Variants in CBX3 observed in about 807,000 individuals in gnomAD.
CBX3 encodes the protein chromobox protein homolog 3.
In CBX3, 5 loss-of-function variants were observed where a neutral mutation model predicts 22.6. That is an observed-to-expected ratio of 0.22 (90% confidence interval 0.12 to 0.47). The LOEUF is 0.47. CBX3 is among the 20% of genes least tolerant of loss of function. The pLI is 0.99. For synonymous variants in CBX3, 50 were observed against 66.6 expected (o/e 0.75, Z 1.21); for missense variants, 83 against 208.1 (o/e 0.40, Z 3.70).
At chr7:26,207,064 A>G (rs1784691552) in intron 3 of CBX3, among the ~76,000 whole-genome samples, 1 of 152,182 alleles carries the variant, frequency 6.6e-6, no homozygotes. Flanking sequence ...CAACAATTAC[A>G]TACTTTAACG....
chr7:26,209,654 G>A lies in CBX3; in HGVS notation c.330+1099G>A, dbSNP rs540255874. Among the ~76,000 whole-genome samples, 155 of 152,106 alleles carry A rather than the reference G, an allele frequency of 1.0e-3. 1 individual carries two copies. The highest frequency in any genetic ancestry group is 1.8e-3 in the African/African-American group (74 of 41,496). On this transcript the variant is annotated intron_variant, in intron 4 of 5. Transcript: ENST00000396386. ...TTCTTGGCATGAATTGAGACATTCA[G>A]TTCATTCACTATACATGTGTTTTGG...
intron 4 of CBX3, chr7:26,210,349 G>A (rs768300243): frequency 6.6e-6 from 1 of 152,198 alleles, no homozygotes; most frequent in Non-Finnish European, 1.5e-5. Context: ...TGAGTCCTTA[G>A]CATGTGCTAT....
At chr7:26,204,303 C>T (rs114889109) in intron 2 of CBX3, among the ~76,000 whole-genome samples, 453 of 151,804 alleles carry the variant, frequency 3.0e-3, no homozygotes, top group African/African-American at 0.011. Context: ...ATTTTGTTAG[C>T]CTTCTCCCTT....
chr7:26,202,818 G>C (rs932280952), intron 1 of CBX3, 153 bp from the exon 2 acceptor site: 9 of 654,292 alleles, frequency 1.4e-5, no homozygotes, highest in Non-Finnish European at 2.5e-5. Flanking sequence ...TACATCATAA[G>C]CAATGTAGGT....
intron 4 of CBX3, among the ~76,000 whole-genome samples, chr7:26,209,113 G>T (rs1414154523): frequency 1.3e-5 from 2 of 149,688 alleles, no homozygotes; most frequent in African/African-American, 4.9e-5. Context: ...CACCATGTTG[G>T]CCAGACTGAT....
intron 2 of CBX3, among the ~76,000 whole-genome samples, chr7:26,205,509 T>G (rs1469755303): frequency 6.6e-6 from 1 of 152,250 alleles, no homozygotes; most frequent in Non-Finnish European, 1.5e-5. Flanking sequence ...TTGAACCTCC[T>G]AGTGGTCTCT....
chr7:26,208,656 T>G (rs1784736468), intron 4 of CBX3, 101 bp downstream of exon 4: 1 of 1,144,452 alleles, frequency 8.7e-7, no homozygotes, highest in South Asian at 1.5e-5. Context: ...GTCTTGCTCT[T>G]GTCGCCCAGG....
intron 5 of CBX3, 37 bp from the exon 6 acceptor site, chr7:26,212,045 T>TA (rs763596820): frequency 6.8e-7 from 1 of 1,477,338 alleles, no homozygotes; most frequent in South Asian, 1.5e-5. Context: ...ATGAACAACT[T>TA]CGACTTGTAA....
chr7:26,205,790 T>G (rs1221691855), intron 2 of CBX3, among the ~76,000 whole-genome samples: 1 of 152,122 alleles, frequency 6.6e-6, no homozygotes, highest in Admixed American at 6.6e-5. Context: ...AAACTTGGTC[T>G]TTTAAGACTA....
At chr7:26,204,823 CTTG>C (rs1784638209) in intron 2 of CBX3, among the ~76,000 whole-genome samples, 1 of 152,038 alleles carries the variant, frequency 6.6e-6, no homozygotes, top group African/African-American at 2.4e-5. Context: ...GAGTTTTTCT[CTTG>C]TTGTCCAGGC....
At chr7:26,204,439 G>A (rs73281554) in intron 2 of CBX3, among the ~76,000 whole-genome samples, 4,618 of 152,252 alleles carry the variant, frequency 0.03, 83 homozygotes, top group Middle Eastern at 0.054. Context: ...GCAGAAAGCT[G>A]TTTGGGCCCA....
chr7:26,213,495 G>A lies in CBX3; in HGVS notation c.*1287G>A, dbSNP rs1784861730. On this transcript the variant is annotated 3_prime_UTR_variant, in exon 6 of 6. Transcript: ENST00000396386. Reference sequence around the variant, plus strand: ...CATATCCTAGATCTTTTGAGCTTACGAGTTTTAAACTTGAATATGTATTTC... The same window carrying A: ...CATATCCTAGATCTTTTGAGCTTACAAGTTTTAAACTTGAATATGTATTTC... 6.6e-6 allele frequency: 1 copy of A among 152,060 alleles called. No individual in the cohort carries two copies. Among genetic ancestry groups the A allele is most frequent in the African/African-American group, 2.4e-5 (1 of 41,394 alleles). The allele number at this position is 152,060 out of a possible 1,614,324, so 9.4% of individuals were successfully genotyped here. A position where few individuals can be genotyped will look rare whatever the true frequency, so the allele number is the denominator to read the frequency against.
chr7:26,203,628 G>A (rs184577418), intron 2 of CBX3, among the ~76,000 whole-genome samples: 10 of 151,956 alleles, frequency 6.6e-5, no homozygotes, highest in Middle Eastern at 3.4e-3. Context: ...ATCTTATTCA[G>A]CCATGTCATG....
Position 26,213,176 on chromosome 7 carries a change from T to G in CBX3, c.*968T>G, listed in dbSNP as rs1784849587. The G allele has an allele frequency of 6.5e-6, 1 of 152,704 alleles. No homozygotes were observed. The highest frequency in any genetic ancestry group is 1.5e-5 in the Non-Finnish European group (1 of 68,054). 9.5% of individuals were successfully genotyped at this position (152,704 alleles called of 1,614,324 possible). A position where few individuals can be genotyped will look rare whatever the true frequency, so the allele number is the denominator to read the frequency against. On this transcript the variant is annotated 3_prime_UTR_variant, in exon 6 of 6. Coordinates refer to ENST00000396386, the MANE Select transcript of CBX3 (RefSeq NM_016587.4). ...GTAACCTAACCTATTGACCTGCATGTTTTTTCTTTACCCCAATTCATTACA... is the reference window on the plus strand; with the variant it reads ...GTAACCTAACCTATTGACCTGCATGGTTTTTCTTTACCCCAATTCATTACA...
intron 2 of CBX3, among the ~76,000 whole-genome samples, chr7:26,204,767 T>C (rs954425647): frequency 1.1e-4 from 17 of 152,244 alleles, no homozygotes; most frequent in Admixed American, 5.9e-4. Context: ...GGTTTATCTT[T>C]TTTAAATAGT....
intron 1 of CBX3, 101 bp from the exon 2 acceptor site, chr7:26,202,870 T>C: frequency 1.3e-6 from 1 of 781,676 alleles, no homozygotes; most frequent in Non-Finnish European, 2.3e-6. Context: ...ACGTTTGAAA[T>C]GTGCGCTCTC....
In CBX3 at chr7:26,208,498, A is replaced by G. The variant is rs1181808379; in HGVS notation, c.273A>G (p.Arg91=). 1 of 1,613,952 alleles carries G rather than the reference A, an allele frequency of 6.2e-7. No individual in the cohort carries two copies. Among genetic ancestry groups the G allele is most frequent in the East Asian group, 2.2e-5 (1 of 44,880 alleles). ...GCAAAGAAAAAGATGGTACAAAAAGAAAATCTTTATCTGACAGTGAATCTG... is the reference window on the plus strand; with the variant it reads ...GCAAAGAAAAAGATGGTACAAAAAGGAAATCTTTATCTGACAGTGAATCTG... ...KAGKEKDGTK[R]KSLSDSESDD... The change falls in exon 4 of 6, where the codon AGA becomes AGG. Residue 91 remains arginine, a synonymous_variant. Coordinates refer to ENST00000396386, the MANE Select transcript of CBX3 (RefSeq NM_016587.4).
At chr7:26,203,631 A>G (rs1346049576) in intron 2 of CBX3, among the ~76,000 whole-genome samples, 1 of 152,158 alleles carries the variant, frequency 6.6e-6, no homozygotes, top group Non-Finnish European at 1.5e-5. Context: ...TTATTCAGCC[A>G]TGTCATGTTA....
intron 2 of CBX3, among the ~76,000 whole-genome samples, chr7:26,203,618 A>G (rs1447931516): frequency 6.6e-6 from 1 of 151,840 alleles, no homozygotes; most frequent in East Asian, 1.9e-4. Flanking sequence ...TTTTTTTTTT[A>G]TCTTATTCAG....
Sources: gnomAD v4.1 joint callset for allele counts (sites outside exome capture counted in the v4.1 genomes callset) on GRCh38, gnomAD v4.1.1 for gene constraint, MANE v1.5 for transcripts, NCBI Gene and HGNC (gene_info 2026-07-23, HGNC 2026-07-21) for gene names.